Variants in SDK1 observed in about 807,000 individuals in gnomAD.
The protein encoded by SDK1 is protein sidekick-1.
In SDK1, 157 loss-of-function variants were observed where a neutral mutation model predicts 245.5. That is an observed-to-expected ratio of 0.64 (90% CI 0.56 to 0.73). The LOEUF (loss-of-function observed/expected upper bound fraction) is 0.73, where lower values mean the gene tolerates loss of function less well. SDK1 is among the 30% of genes least tolerant of loss of function. SDK1 has a pLI of 0.00. For missense variants in SDK1, 3,583 were observed against 3,002.3 expected (o/e 1.19, Z -4.52); for synonymous variants, 1,647 against 1,278.5 (o/e 1.29, Z -6.15).
At chr7:3,899,330 T>C (rs1201526209) in intron 5 of SDK1, among the ~76,000 whole-genome samples, 2 of 152,136 alleles carry the variant, frequency 1.3e-5, no homozygotes, top group Non-Finnish European at 2.9e-5. Context: ...TTCTTTCATA[T>C]CTCCCCATCA....
intron 22 of SDK1, among the ~76,000 whole-genome samples, chr7:4,083,578 C>T (rs1459216280): frequency 8.1e-6 from 1 of 123,574 alleles, no homozygotes; most frequent in Non-Finnish European, 1.7e-5. Flanking sequence ...TTTTGCCTCC[C>T]TCCTCCCTTC....
At chr7:3,594,271 CAT>C (rs1780982230) in intron 1 of SDK1, among the ~76,000 whole-genome samples, 1 of 152,174 alleles carries the variant, frequency 6.6e-6, no homozygotes, top group South Asian at 2.1e-4. Context: ...CATGTTGCAA[CAT>C]GTGTCAACAC....
chr7:3,508,737 G>A (rs917782339), intron 1 of SDK1, among the ~76,000 whole-genome samples: 3 of 152,216 alleles, frequency 2.0e-5, no homozygotes, highest in East Asian at 1.9e-4. Flanking sequence ...TCGAACCCTA[G>A]TATTGAAATT....
At chr7:4,137,971 T>C (rs1196387343) in intron 28 of SDK1, among the ~76,000 whole-genome samples, 1 of 152,224 alleles carries the variant, frequency 6.6e-6, no homozygotes, top group Non-Finnish European at 1.5e-5. Flanking sequence ...TCTAGGACTT[T>C]TTAAACGTGT....
intron 1 of SDK1, among the ~76,000 whole-genome samples, chr7:3,414,156 CAGAA>C (rs1175029528): frequency 6.6e-6 from 1 of 151,938 alleles, no homozygotes; most frequent in African/African-American, 2.4e-5. Context: ...GGGTGATAGG[CAGAA>C]AGAGGAATCA....
chr7:3,660,601 G>T (rs765504770), intron 4 of SDK1, among the ~76,000 whole-genome samples: 1 of 152,076 alleles, frequency 6.6e-6, no homozygotes, highest in Admixed American at 6.6e-5. Context: ...CCTGTTTCAC[G>T]CCCCAACATA....
intron 5 of SDK1, among the ~76,000 whole-genome samples, chr7:3,882,867 A>G (rs188019828): frequency 3.3e-4 from 50 of 152,318 alleles, no homozygotes; most frequent in East Asian, 1.4e-3. Context: ...GAGTTACTCT[A>G]TTGACGCAGA....
At chr7:3,337,520 A>G (rs1282930231) in intron 1 of SDK1, among the ~76,000 whole-genome samples, 1 of 152,218 alleles carries the variant, frequency 6.6e-6, no homozygotes, top group African/African-American at 2.4e-5. Context: ...GGTGAAAGAC[A>G]GAAAGCTGTA....
chr7:4,267,596 G>T lies in SDK1; in HGVS notation c.*2212G>T, dbSNP rs1788548839. ...GAGACCATGGCCAGCGCTGCTTTCT[G>T]TGCACTCTGATGACTGCTCTCTGCA... On this transcript the variant is annotated 3_prime_UTR_variant, in exon 45 of 45. Transcript: ENST00000404826. The T allele has an allele frequency of 1.0e-6, 1 of 985,336 alleles. No individual in the cohort carries two copies. The highest frequency in any genetic ancestry group is 1.7e-5 in the African/African-American group (1 of 57,234). The allele number at this position is 985,336 out of a possible 1,614,324, so 61.0% of individuals were successfully genotyped here.
intron 4 of SDK1, among the ~76,000 whole-genome samples, chr7:3,769,504 T>G (rs754861718): frequency 1.4e-4 from 22 of 152,222 alleles, no homozygotes; most frequent in Admixed American, 7.8e-4. Flanking sequence ...GTCAGAGTCC[T>G]TATGATCCAA....
intron 4 of SDK1, among the ~76,000 whole-genome samples, chr7:3,725,385 C>A (rs1341634118): frequency 6.6e-6 from 1 of 152,092 alleles, no homozygotes; most frequent in African/African-American, 2.4e-5. Flanking sequence ...TGGCAGAGGA[C>A]CTGTTAAGTA....
chr7:3,516,346 C>A (rs1048468453), intron 1 of SDK1, among the ~76,000 whole-genome samples: 7 of 152,010 alleles, frequency 4.6e-5, no homozygotes, highest in Non-Finnish European at 8.8e-5. Context: ...GGAATGGCAG[C>A]TACCTATGTC....
At chr7:4,050,912 A>C (rs1789409228) in intron 18 of SDK1, among the ~76,000 whole-genome samples, 1 of 143,876 alleles carries the variant, frequency 7.0e-6, no homozygotes, top group African/African-American at 2.6e-5. Flanking sequence ...TATATAGTAT[A>C]TATAATGTAT....
chr7:3,626,117 T>TTTTTA (rs1554299280), intron 2 of SDK1, among the ~76,000 whole-genome samples: 1 of 151,692 alleles, frequency 6.6e-6, no homozygotes, highest in African/African-American at 2.4e-5. Context: ...CTATTTTTTT[T>TTTTTA]TTTTTAGACA....
intron 4 of SDK1, among the ~76,000 whole-genome samples, chr7:3,659,188 C>G (rs1412637351): frequency 1.3e-5 from 2 of 151,990 alleles, no homozygotes; most frequent in African/African-American, 4.8e-5. Flanking sequence ...GGTGCCTTTC[C>G]TGGACTACGT....
At chr7:3,629,500 C>T (rs539845668) in intron 2 of SDK1, among the ~76,000 whole-genome samples, 24 of 152,142 alleles carry the variant, frequency 1.6e-4, no homozygotes, top group African/African-American at 3.9e-4. Context: ...CAGGACTCGG[C>T]GGAGTGTCTG....
intron 5 of SDK1, among the ~76,000 whole-genome samples, chr7:3,834,765 G>C (rs1226815991): frequency 6.6e-6 from 1 of 152,184 alleles, no homozygotes; most frequent in Non-Finnish European, 1.5e-5. Flanking sequence ...ATTTCCGCAA[G>C]CCACGGGAAG....
chr7:3,932,391 G>C (rs528051875), intron 5 of SDK1, among the ~76,000 whole-genome samples: 27 of 152,266 alleles, frequency 1.8e-4, no homozygotes, highest in African/African-American at 6.0e-4. Flanking sequence ...AGATTGTGTT[G>C]ACATTTAGGA....
intron 5 of SDK1, among the ~76,000 whole-genome samples, chr7:3,834,049 A>G (rs1779975967): frequency 6.6e-6 from 1 of 152,192 alleles, no homozygotes; most frequent in Non-Finnish European, 1.5e-5. Context: ...TAAACTTATT[A>G]TAGAGGGAAA....
Sources: allele counts gnomAD v4.1 joint callset (sites outside exome capture counted in the v4.1 genomes callset), GRCh38; gene constraint gnomAD v4.1.1; transcripts MANE v1.5; gene names NCBI Gene and HGNC (gene_info 2026-07-23, HGNC 2026-07-21).